CCND1: variants seen among roughly 807,000 people sequenced by gnomAD.
CCND1 encodes G1/S-specific cyclin-D1.
In CCND1, 9 loss-of-function variants were observed where a neutral mutation model predicts 26.1. The observed-to-expected ratio is 0.35, with a 90% CI of 0.21 to 0.60. The LOEUF (loss-of-function observed/expected upper bound fraction) is 0.60, where lower values mean the gene tolerates loss of function less well. CCND1 is among the 20% of genes least tolerant of loss of function. The pLI is 0.79. For synonymous variants in CCND1, 194 were observed against 166.1 expected (o/e 1.17, Z -1.29); for missense variants, 335 against 392.9 (o/e 0.85, Z 1.25).
chr11:69,644,095 C>G (rs575089988), intron 3 of CCND1, 104 bp downstream of exon 3: 19 of 1,092,812 alleles, frequency 1.7e-5, no homozygotes, highest in South Asian at 1.4e-4. Flanking sequence ...GGGAAGATGT[C>G]CCCAGACCCC....
In CCND1 at chr11:69,643,759, C is replaced by T. The variant is rs890734053; in HGVS notation, c.415-73C>T. 1.1e-5 allele frequency: 16 copies of T among 1,476,140 alleles called. No homozygotes were observed. In the African/African-American group the frequency reaches 1.5e-4, roughly 14 times the overall value. The allele number at this position is 1,476,140 out of a possible 1,614,324, so 91.4% of individuals were successfully genotyped here. On this transcript the variant is annotated intron_variant, in intron 2 of 4. Transcript: ENST00000227507. ...CGGAGGTGCGGCGTGGCCCGGCCCC[C>T]GTGCTGCCGGCTTCCCCGCGCCCCC...
chr11:69,651,048 A>C (rs1855846984), intron 4 of CCND1, 70 bp from the exon 5 acceptor site: 1 of 1,457,772 alleles, frequency 6.9e-7, no homozygotes. Flanking sequence ...GGCACCTGGG[A>C]AGGGGCCCTC....
intron 4 of CCND1, among the ~76,000 whole-genome samples, chr11:69,648,418 AGGCCCCAGGC>A (rs1204862313): frequency 2.0e-5 from 3 of 152,328 alleles, no homozygotes; most frequent in African/African-American, 7.2e-5. Flanking sequence ...TCCGGGACGG[AGGCCCCAGGC>A]GGCCCCAGCC....
chr11:69,651,477 C>G lies in CCND1; in HGVS notation c.*195C>G. ...ACTTAAGCAAAAGAAAAAGATTACCCAAAAACTGTCTTTAAAAGAGAGAGA... is the reference window on the plus strand; with the variant it reads ...ACTTAAGCAAAAGAAAAAGATTACCGAAAAACTGTCTTTAAAAGAGAGAGA... On this transcript the variant is annotated 3_prime_UTR_variant, in exon 5 of 5. Coordinates refer to ENST00000227507, the MANE Select transcript of CCND1 (RefSeq NM_053056.3). The G allele has an allele frequency of 2.2e-6, 1 of 453,456 alleles. No homozygotes were observed. The highest frequency in any genetic ancestry group is 3.8e-6 in the Non-Finnish European group (1 of 265,842). 28.1% of individuals were successfully genotyped at this position (453,456 alleles called of 1,614,324 possible). A position where few individuals can be genotyped will look rare whatever the true frequency, so the allele number is the denominator to read the frequency against.
chr11:69,645,529 T>C (rs1855767495), intron 3 of CCND1, among the ~76,000 whole-genome samples: 2 of 152,156 alleles, frequency 1.3e-5, no homozygotes, highest in South Asian at 4.1e-4. Context: ...TCTCAGTGAC[T>C]GTGGAGTCCA....
At chr11:69,646,545 G>A (rs1855783615) in intron 3 of CCND1, among the ~76,000 whole-genome samples, 4 of 152,286 alleles carry the variant, frequency 2.6e-5, no homozygotes, top group African/African-American at 9.6e-5. Context: ...GTTCCCGGGC[G>A]CTCAGTGGCG....
At chr11:69,646,066 G>C (rs922730416) in intron 3 of CCND1, among the ~76,000 whole-genome samples, 1 of 152,204 alleles carries the variant, frequency 6.6e-6, no homozygotes, top group East Asian at 1.9e-4. Context: ...ACACTGGGGT[G>C]GGGGCACGAG....
At position 69,643,055 on chromosome 11, in the gene CCND1, G is replaced by A. The variant is rs1171564865; in HGVS notation, c.223G>A (p.Glu75Lys). 5 of 1,605,936 alleles carry A rather than the reference G, an allele frequency of 3.1e-6. No homozygotes were observed. Among genetic ancestry groups the A allele is most frequent in the African/African-American group, 2.7e-5 (2 of 74,256 alleles). Residue 75 changes from glutamate to lysine, a missense_variant, in exon 2 of 5, where the codon GAG becomes AAG. Coordinates refer to ENST00000227507, the MANE Select transcript of CCND1 (RefSeq NM_053056.3). Reference sequence around the variant, plus strand: ...GGTCTGCGAGGAACAGAAGTGCGAGGAGGAGGTCTTCCCGCTGGCCATGAA... The same window carrying A: ...GGTCTGCGAGGAACAGAAGTGCGAGAAGGAGGTCTTCCCGCTGGCCATGAA... ...LEVCEEQKCE[E>K]EVFPLAMNYL... is the part of the protein sequence containing the mutation.
intron 4 of CCND1, 45 bp from the exon 5 acceptor site, chr11:69,651,073 C>T (rs2120118985): frequency 6.3e-7 from 1 of 1,584,072 alleles, no homozygotes; most frequent in Non-Finnish European, 8.6e-7. Flanking sequence ...CAGGCCCCTT[C>T]TAAGGACCCC....
intron 3 of CCND1, among the ~76,000 whole-genome samples, chr11:69,647,612 G>A (rs927811783): frequency 6.6e-5 from 10 of 152,336 alleles, no homozygotes; most frequent in Admixed American, 2.6e-4. Context: ...ACATCTCTAC[G>A]TCCTCATATT....
At chr11:69,648,219 G>A (rs2120111046) in intron 4 of CCND1, 77 bp downstream of exon 4, 1 of 1,566,602 alleles carries the variant, frequency 6.4e-7, no homozygotes, top group Non-Finnish European at 8.7e-7. Flanking sequence ...AAATGCCGAG[G>A]CTGGTGCCAA....
intron 3 of CCND1, among the ~76,000 whole-genome samples, chr11:69,646,869 C>T (rs902973651): frequency 1.3e-5 from 2 of 152,230 alleles, no homozygotes; most frequent in African/African-American, 2.4e-5. Context: ...ACAGAGGCCC[C>T]GAGACGCCCA....
rs1590917351 is a variant in CCND1 at position 69,653,333 on chromosome 11, A to G, written c.*2051A>G. ...CATTGTTTGCTGCTATTGGAGGATC[A>G]GTTTTTTGTTTTACAATGTCATATA... is the stretch of plus-strand genomic sequence containing the variant. On this transcript the variant is annotated 3_prime_UTR_variant, in exon 5 of 5. Coordinates refer to ENST00000227507, the MANE Select transcript of CCND1 (RefSeq NM_053056.3). The G allele has an allele frequency of 7.1e-6, 5 of 701,950 alleles. No homozygotes were observed. The East Asian group carries it at 1.3e-4, about 19-fold the overall frequency. The allele number at this position is 701,950 out of a possible 1,614,324, so 43.5% of individuals were successfully genotyped here.
At chr11:69,647,600 C>T (rs1331379154) in intron 3 of CCND1, among the ~76,000 whole-genome samples, 2 of 152,182 alleles carry the variant, frequency 1.3e-5, no homozygotes, top group Non-Finnish European at 2.9e-5. Flanking sequence ...GTCATAGAAG[C>T]GACATCTCTA....
chr11:69,641,516 G>C lies in CCND1; in HGVS notation c.198+5G>C. ...GTCGCCACCTGGATGCTGGAGGTGC[G>C]GGGCTTCGGGCGGCTCTCTTAAGAC... On this transcript the variant is annotated splice_donor_5th_base_variant and intron_variant, in intron 1 of 4. Transcript: ENST00000227507. 1 of 1,612,516 alleles carries C rather than the reference G, an allele frequency of 6.2e-7. No homozygotes were observed.
In CCND1 at chr11:69,652,779, T is replaced by TATAC. The variant is rs1554968313; in HGVS notation, c.*1498_*1499insTACA. The TATAC allele has an allele frequency of 4.4e-6, 1 of 226,512 alleles. No individual in the cohort carries two copies. Among genetic ancestry groups the TATAC allele is most frequent in the South Asian group, 1.9e-4 (1 of 5,400 alleles). The allele number at this position is 226,512 out of a possible 1,614,324, so 14.0% of individuals were successfully genotyped here. A position where few individuals can be genotyped will look rare whatever the true frequency, so the allele number is the denominator to read the frequency against. ...TCTCCCCTTGATTTAAACACACAGA[T>TATAC]ACACACACACACACACACACACACA... On this transcript the variant is annotated 3_prime_UTR_variant, in exon 5 of 5. Coordinates refer to ENST00000227507, the MANE Select transcript of CCND1 (RefSeq NM_053056.3).
intron 3 of CCND1, 85 bp downstream of exon 3, chr11:69,644,076 G>GTGC: frequency 7.3e-7 from 1 of 1,379,214 alleles, no homozygotes; most frequent in South Asian, 1.2e-5. Context: ...CTCCACCTGG[G>GTGC]TGCTGTCTGG....
chr11:69,646,751 C>T (rs1040040198), intron 3 of CCND1, among the ~76,000 whole-genome samples: 4 of 152,218 alleles, frequency 2.6e-5, no homozygotes, highest in Admixed American at 1.3e-4. Flanking sequence ...AGGCGCATGA[C>T]TGCCCTGAGG....
At chr11:69,641,592 T>A in intron 1 of CCND1, 81 bp downstream of exon 1, 1 of 1,280,982 alleles carries the variant, frequency 7.8e-7, no homozygotes, top group Middle Eastern at 1.9e-4. Flanking sequence ...CTCACCCCCC[T>A]CCCTTCTCTC....
Sources: allele counts gnomAD v4.1 joint callset (sites outside exome capture counted in the v4.1 genomes callset), GRCh38; gene constraint gnomAD v4.1.1; transcripts MANE v1.5; gene names NCBI Gene and HGNC (gene_info 2026-07-23, HGNC 2026-07-21).